The following TMEM59 variants were observed in gnomAD, a reference collection of about 807,000 sequenced individuals.
TMEM59 encodes the protein dendritic cell factor 1.
TMEM59 carries 44 observed loss-of-function variants against 42.2 expected under a neutral mutation model. That is an observed-to-expected ratio of 1.04 (90% CI 0.82 to 1.34). The LOEUF (loss-of-function observed/expected upper bound fraction) is 1.34, where lower values mean the gene tolerates loss of function less well. TMEM59 is among the 40% of genes most tolerant of loss of function. TMEM59 has a pLI of 0.00. For missense variants in TMEM59, 359 were observed against 382.8 expected, an observed-to-expected ratio of 0.94 and a Z score of 0.52; for synonymous variants, 148 against 145.8, an observed-to-expected ratio of 1.02 and a Z score of -0.11.
chr1:54,051,794 C>G (rs903177061), intron 1 of TMEM59, among the ~76,000 whole-genome samples: 1 of 152,148 alleles, frequency 6.6e-6, no homozygotes, highest in African/African-American at 2.4e-5. Flanking sequence ...ACTTCTTTCT[C>G]GATTGTTACA....
chr1:54,038,127 C>T (rs1657014656), intron 6 of TMEM59, among the ~76,000 whole-genome samples: 1 of 152,214 alleles, frequency 6.6e-6, no homozygotes, highest in Admixed American at 6.5e-5. Flanking sequence ...GAAGCCTCTT[C>T]TTGACACTTA....
At chr1:54,046,788 C>T (rs1209858068) in intron 2 of TMEM59, among the ~76,000 whole-genome samples, 1 of 152,066 alleles carries the variant, frequency 6.6e-6, no homozygotes, top group South Asian at 2.1e-4. Flanking sequence ...TTGCTTTCAG[C>T]AAAAAGAAAG....
intron 6 of TMEM59, among the ~76,000 whole-genome samples, chr1:54,038,972 C>A (rs999541334): frequency 4.9e-4 from 74 of 152,176 alleles, no homozygotes; most frequent in Non-Finnish European, 1.3e-4. Flanking sequence ...AGCCTCTTGA[C>A]AACTGGGACT....
chr1:54,026,835 A>G lies in TMEM59; in HGVS notation c.*5315T>C, dbSNP rs1656613715. On this transcript the variant is annotated 3_prime_UTR_variant, in exon 8 of 8. Coordinates refer to ENST00000234831, the MANE Select transcript of TMEM59 (RefSeq NM_004872.5). ...TTGTTGAAACCTTTCATTTTCAATC[A>G]GGTGCTGATTTTTTTCCACCCAAGT... 1 of 152,226 alleles carries G rather than the reference A, an allele frequency of 6.6e-6. No individual in the cohort carries two copies. The highest frequency in any genetic ancestry group is 1.5e-5 in the Non-Finnish European group (1 of 68,052). 9.4% of individuals were successfully genotyped at this position (152,226 alleles called of 1,614,324 possible).
chr1:54,035,093 C>T lies in TMEM59; in HGVS notation c.816+1517G>A, dbSNP rs1569936944. ...CATGAAAATACTTTGTAAATTTTAA[C>T]GACTATATAAATGTTAGTTATCAAC... On this transcript the variant is annotated intron_variant, in intron 7 of 7. Coordinates refer to ENST00000234831, the MANE Select transcript of TMEM59 (RefSeq NM_004872.5). Among the ~76,000 whole-genome samples the T allele has an allele frequency of 2.0e-5, 3 of 152,158 alleles. No individual in the cohort carries two copies. In the South Asian group the frequency reaches 6.2e-4, roughly 32 times the overall value.
rs1333349839 is a variant in TMEM59 at position 54,028,158 on chromosome 1, G to C, written c.*3992C>G. On this transcript the variant is annotated 3_prime_UTR_variant, in exon 8 of 8. Coordinates refer to ENST00000234831, the MANE Select transcript of TMEM59 (RefSeq NM_004872.5). ...TGATAAGAAACCAGGGATCCATGGG[G>C]CAGCCTTCCCAGTTTGCTCAAACAT... 1 of 152,196 alleles carries C rather than the reference G, an allele frequency of 6.6e-6. No individual in the cohort carries two copies. Among genetic ancestry groups the C allele is most frequent in the Non-Finnish European group, 1.5e-5 (1 of 68,040 alleles). The allele number at this position is 152,196 out of a possible 1,614,324, so 9.4% of individuals were successfully genotyped here.
chr1:54,051,047 G>C (rs936529399), intron 1 of TMEM59, among the ~76,000 whole-genome samples: 2 of 151,180 alleles, frequency 1.3e-5, no homozygotes, highest in African/African-American at 4.9e-5. Context: ...CAGAGACGGG[G>C]TCTTGCCATG....
chr1:54,032,377 C>T (rs1306961118), intron 7 of TMEM59, 72 bp from the exon 8 acceptor site: 7 of 1,295,932 alleles, frequency 5.4e-6, no homozygotes, highest in African/African-American at 1.5e-5. Context: ...CTTTAAATAA[C>T]AATTTAATTT....
Position 54,053,135 on chromosome 1 carries a change from C to T in TMEM59, c.54G>A (p.Pro18=), listed in dbSNP as rs771266443. 1.2e-6 allele frequency: 2 copies of T among 1,614,246 alleles called. No individual in the cohort carries two copies. Among genetic ancestry groups the T allele is most frequent in the Non-Finnish European group, 1.7e-6 (2 of 1,180,038 alleles). Residue 18 remains proline, a synonymous_variant, in exon 1 of 8, where the codon CCG becomes CCA. Transcript: ENST00000234831. The part of the protein sequence containing the change: ...LWVRTQLGLP[P]LLLLTMALAG... The stretch of plus-strand genomic sequence containing the variant: ...CCAAGGCCATGGTCAGCAGCAGCAG[C>T]GGCGGGAGCCCCAGTTGGGTCCTCA...
Position 54,029,472 on chromosome 1 carries a change from GA to G in TMEM59, c.*2677del, listed in dbSNP as rs1283413933. ...CCTAGGACCAAGACCAGATTCTCAA[GA>G]TGCTTTCTGTGTGGTAGGAAATAAG... is the stretch of plus-strand genomic sequence containing the variant. On this transcript the variant is annotated 3_prime_UTR_variant, in exon 8 of 8. Transcript: ENST00000234831. 1 of 152,174 alleles carries G rather than the reference GA, an allele frequency of 6.6e-6. No homozygotes were observed. The highest frequency in any genetic ancestry group is 2.4e-5 in the African/African-American group (1 of 41,430). 9.4% of individuals were successfully genotyped at this position (152,174 alleles called of 1,614,324 possible).
chr1:54,048,000 T>G (rs1657401329), intron 1 of TMEM59: 1 of 152,362 alleles, frequency 6.6e-6, no homozygotes, highest in African/African-American at 2.4e-5. Context: ...AACACAACGG[T>G]GATATAACTA....
chr1:54,047,808 AC>A (rs1657394562), intron 1 of TMEM59: 1 of 188,536 alleles, frequency 5.3e-6, no homozygotes, highest in African/African-American at 2.4e-5. Context: ...CAAAACAAAC[AC>A]ACACACAAAA....
chr1:54,038,370 C>T (rs923370494), intron 6 of TMEM59, among the ~76,000 whole-genome samples: 1 of 152,222 alleles, frequency 6.6e-6, no homozygotes, highest in Non-Finnish European at 1.5e-5. Flanking sequence ...GACTTAAATA[C>T]AGTCCTTATA....
intron 6 of TMEM59, among the ~76,000 whole-genome samples, chr1:54,040,301 C>T (rs1657094354): frequency 6.6e-6 from 1 of 151,890 alleles, no homozygotes. Context: ...TACAGGCATG[C>T]ACCACCACGC....
In TMEM59 at chr1:54,045,727, T is replaced by C; in HGVS notation, c.355A>G (p.Asn119Asp). ...CTCAGTTCAGCGAATGGCAGCTGAT[T>C]CTGGCAACCAAGATGGCAAGCATAT... Reference protein sequence around the residue: ...EQYACHLGCQNQLPFAELRQE... With the variant: ...EQYACHLGCQDQLPFAELRQE... Residue 119 changes from asparagine (N) to aspartate (D), a missense_variant, in exon 3 of 8, where the codon AAT becomes GAT. Transcript: ENST00000234831. 6.2e-7 allele frequency: 1 copy of C among 1,614,134 alleles called. No homozygotes were observed.
At chr1:54,037,735 G>C (rs1656999951) in intron 6 of TMEM59, among the ~76,000 whole-genome samples, 1 of 152,198 alleles carries the variant, frequency 6.6e-6, no homozygotes. Context: ...GGACTTTGGA[G>C]AATGTATTGT....
rs776119905 is a variant in TMEM59, at chr1:54,032,127, C to G, written c.*23G>C. On this transcript the variant is annotated 3_prime_UTR_variant, in exon 8 of 8. Transcript: ENST00000234831. ...AGTGGAATTTTAGATGTCTATTACACTTGTCTTTTAAAAGAAAAATGCTTA... is the reference window on the plus strand; with the variant it reads ...AGTGGAATTTTAGATGTCTATTACAGTTGTCTTTTAAAAGAAAAATGCTTA... The G allele has an allele frequency of 6.3e-7, 1 of 1,599,040 alleles. No individual in the cohort carries two copies. Among genetic ancestry groups the G allele is most frequent in the East Asian group, 2.2e-5 (1 of 44,708 alleles).
chr1:54,053,266 C>A (rs1657644737), upstream of TMEM59: 4 of 1,529,964 alleles, frequency 2.6e-6, no homozygotes, highest in Admixed American at 1.9e-5. Flanking sequence ...GGGGCCAGCC[C>A]CCTTCTCCGC....
Position 54,047,325 on chromosome 1 carries a change from A to T in TMEM59, c.237T>A (p.Ile79=). 1.9e-6 allele frequency: 3 copies of T among 1,614,048 alleles called. No individual in the cohort carries two copies. The highest frequency in any genetic ancestry group is 2.5e-6 in the Non-Finnish European group (3 of 1,179,968). The change falls in exon 2 of 8, where the codon ATT becomes ATA. Residue 79 remains isoleucine (I), a synonymous_variant. Transcript: ENST00000234831. ...CAATTCCATCATCCACAAACTGACA[A>T]ATTGAAAACAGCCTGCAACCTCTCT... The part of the protein sequence containing the change: ...ACQRGCRLFS[I]CQFVDDGIDL...
Sources: allele counts gnomAD v4.1 joint callset (sites outside exome capture counted in the v4.1 genomes callset), GRCh38; gene constraint gnomAD v4.1.1; transcripts MANE v1.5; gene names NCBI Gene and HGNC (gene_info 2026-07-23, HGNC 2026-07-21).